MAST3: variants seen among roughly 807,000 people sequenced by gnomAD.
MAST3 encodes microtubule-associated serine/threonine-protein kinase 3.
Under a neutral mutation model 127.0 loss-of-function variants are expected in MAST3, and 43 were observed. That is an observed-to-expected ratio of 0.34 (90% confidence interval 0.27 to 0.44). MAST3 has a LOEUF of 0.44. Ranked by LOEUF, MAST3 falls within the 20% of genes least tolerant of loss-of-function variation. The pLI, the probability that MAST3 is intolerant of heterozygous loss-of-function variation, is 1.00. For missense variants in MAST3, 1,390 were observed against 1,919.1 expected (o/e 0.72, Z 5.15); for synonymous variants, 785 against 809.2 (o/e 0.97, Z 0.51).
intron 11 of MAST3, 46 bp from the exon 12 acceptor site, chr19:18,128,354 G>A (rs1258406877): frequency 6.7e-7 from 1 of 1,482,250 alleles, no homozygotes; most frequent in Admixed American, 2.0e-5. Flanking sequence ...GGTGATGCAG[G>A]GTGAGGCAGG....
intron 19 of MAST3, among the ~76,000 whole-genome samples, chr19:18,137,880 T>C (rs552802495): frequency 2.2e-3 from 338 of 152,330 alleles, no homozygotes; most frequent in Non-Finnish European, 3.4e-3. Context: ...TTTCCTCTTC[T>C]GTAAAATGAG....
At chr19:18,120,358 G>A (rs2039818610) in intron 3 of MAST3, among the ~76,000 whole-genome samples, 1 of 152,176 alleles carries the variant, frequency 6.6e-6, no homozygotes, top group African/African-American at 2.4e-5. Context: ...TGGTTCACCT[G>A]ATTTGCTGGT....
chr19:18,147,757 T>C, intron 27 of MAST3, 133 bp downstream of exon 27: 1 of 693,122 alleles, frequency 1.4e-6, no homozygotes, highest in Non-Finnish European at 2.4e-6. Flanking sequence ...TCCTGGTGTC[T>C]AGCAGGGAAC....
intron 1 of MAST3, among the ~76,000 whole-genome samples, chr19:18,103,677 C>T (rs1385741176): frequency 6.6e-6 from 1 of 152,190 alleles, no homozygotes; most frequent in Non-Finnish European, 1.5e-5. Context: ...TCTGAGCTTG[C>T]TACTCATTGA....
At chr19:18,101,858 T>C (rs1243994227) in intron 1 of MAST3, among the ~76,000 whole-genome samples, 3 of 150,282 alleles carry the variant, frequency 2.0e-5, no homozygotes, top group Non-Finnish European at 4.4e-5. Context: ...TGTTTCACCA[T>C]GTTGGCCAGA....
In MAST3 at chr19:18,128,401, G is replaced by T. The variant is rs1216721420; in HGVS notation, c.1080G>T (p.Glu360Asp). ...TGAGCCTCCTCCCTCATCTTGCAGA[G>T]ATGGTGCCACTGAGTCACCTCGAAG... ...QLGLAKDPLE[E>D]MVPLSHLEEE... Residue 360 changes from glutamate to aspartate, a missense_variant and splice_region_variant, in exon 12 of 28, where the codon GAG (glutamate) becomes GAT (aspartate). Glu to Asp is a conservative substitution (Grantham distance 45, BLOSUM62 2). This residue lies in a region of MAST3 where 277 missense variants were observed against 384.8 expected (regional missense o/e 0.72). Coordinates refer to ENST00000687212, the MANE Select transcript of MAST3 (RefSeq NM_001393504.1). 3.2e-6 allele frequency: 5 copies of T among 1,550,590 alleles called. No homozygotes were observed. The highest frequency in any genetic ancestry group is 4.4e-6 in the Non-Finnish European group (5 of 1,148,230).
At position 18,149,512 on chromosome 19, in the gene MAST3, G is replaced by T. The variant is rs1033338534; in HGVS notation, c.3830G>T (p.Arg1277Leu). 1 of 1,549,088 alleles carries T rather than the reference G, an allele frequency of 6.5e-7. No homozygotes were observed. Among genetic ancestry groups the T allele is most frequent in the East Asian group, 2.4e-5 (1 of 40,928 alleles). Reference sequence around the variant, plus strand: ...GAGCGGCTGGATGGGGAGGCGGGGCGGCGCACTCGTGGGCCAGAGGCCGAG... The same window carrying T: ...GAGCGGCTGGATGGGGAGGCGGGGCTGCGCACTCGTGGGCCAGAGGCCGAG... The part of the protein sequence containing the change: ...TGERLDGEAG[R>L]RTRGPEAELV... The change falls in exon 28 of 28, where the codon CGG becomes CTG. Residue 1277 changes from arginine to leucine, a missense_variant. Around this residue, in one of 5 missense-constraint regions of MAST3, gnomAD observed 816 missense variants for 934.1 expected, o/e 0.87. Transcript: ENST00000687212. This position sits in a 1 kb window ranked among gnomAD's most constrained non-coding sequence, Gnocchi z 5.9.
intron 11 of MAST3, among the ~76,000 whole-genome samples, chr19:18,125,748 AAAAC>A (rs1293591347): frequency 2.0e-5 from 3 of 150,152 alleles, no homozygotes; most frequent in Non-Finnish European, 4.4e-5. Context: ...CTCAAAAAAA[AAAAC>A]AAACAACTCC....
intron 13 of MAST3, among the ~76,000 whole-genome samples, chr19:18,130,012 GC>G (rs1231486866): frequency 6.6e-6 from 1 of 151,986 alleles, no homozygotes; most frequent in African/African-American, 2.4e-5. Context: ...CACTTTGGGA[GC>G]CCGAAGTGGG....
At position 18,146,996 on chromosome 19, in the gene MAST3, G is replaced by A. The variant is rs760730073; in HGVS notation, c.3278G>A (p.Arg1093His). Residue 1093 changes from arginine to histidine, a missense_variant, in exon 26 of 28, where the codon CGT (arginine) becomes CAT (histidine). Physicochemically the swap from Arg to His is conservative, Grantham distance 29. Transcript: ENST00000687212. ...ATGGCACGCAGGAGCAAGAGGAGCCGTCGGCGGGAGACCCAGGATCGGTGC... is the reference window on the plus strand; with the variant it reads ...ATGGCACGCAGGAGCAAGAGGAGCCATCGGCGGGAGACCCAGGATCGGTGC... ...GRMARRSKRS[R>H]RRETQDRCAA... is the part of the protein sequence containing the mutation. The A allele has an allele frequency of 3.1e-5, 49 of 1,571,322 alleles. No individual in the cohort carries two copies. The highest frequency in any genetic ancestry group is 1.9e-5 in the Admixed American group (1 of 53,522).
chr19:18,147,426 C>T lies in MAST3; in HGVS notation c.3327-17C>T, dbSNP rs747292251. On this transcript the variant is annotated splice_polypyrimidine_tract_variant and intron_variant, in intron 26 of 27. Transcript: ENST00000687212. ...CCAGGAGCAGGGGTTCTGAAGCCTC[C>T]GGTTTTCTTACCCCAGGCGGAAGTC... 29 of 1,612,094 alleles carry T rather than the reference C, an allele frequency of 1.8e-5. 2 individuals are homozygous for T. The Admixed American group carries it at 1.8e-4, about 10-fold the overall frequency.
chr19:18,123,331 G>A lies in MAST3; in HGVS notation c.514G>A (p.Gly172Ser), dbSNP rs1412456634. ...CTCAGAGAATGTGCTTGATGAGGAA[G>A]GCGGCCGGTCACCCCGCCTCCGACC... The part of the protein sequence containing the change: ...RSSENVLDEE[G>S]GRSPRLRPRS... Residue 172 changes from glycine to serine, a missense_variant, in exon 7 of 28, where the codon GGC (glycine) becomes AGC (serine). Coordinates refer to ENST00000687212, the MANE Select transcript of MAST3 (RefSeq NM_001393504.1). 3 of 1,613,278 alleles carry A rather than the reference G, an allele frequency of 1.9e-6. No homozygotes were observed. In the African/African-American group the frequency reaches 4.0e-5, roughly 22 times the overall value.
At chr19:18,128,504 A>G (rs2040912112) in intron 12 of MAST3, 46 bp downstream of exon 12, 10 of 1,524,704 alleles carry the variant, frequency 6.6e-6, no homozygotes, top group Admixed American at 2.0e-5. Context: ...TGTTCTTTCC[A>G]GAGTGGACCA....
intron 5 of MAST3, chr19:18,122,192 C>A: frequency 1.3e-5 from 12 of 912,434 alleles, no homozygotes; most frequent in Non-Finnish European, 1.6e-5. Context: ...ATCATTAACT[C>A]ACTAAAGAAA....
At chr19:18,101,356 C>CCTCCTT (rs1183063174) in intron 1 of MAST3, among the ~76,000 whole-genome samples, 1 of 94,382 alleles carries the variant, frequency 1.1e-5, no homozygotes, top group East Asian at 2.8e-4. Flanking sequence ...TCCTCCTCCT[C>CCTCCTT]CTCCTTCTCC....
At chr19:18,100,106 A>G (rs2037437115) in intron 1 of MAST3, among the ~76,000 whole-genome samples, 1 of 144,780 alleles carries the variant, frequency 6.9e-6, no homozygotes, top group African/African-American at 2.5e-5. Context: ...AGGCTGAGGC[A>G]GAAGGATCTC....
chr19:18,112,633 C>A lies in MAST3; in HGVS notation c.161+1892C>A, dbSNP rs2038768114. Among the ~76,000 whole-genome samples, 1 of 152,254 alleles carries A rather than the reference C, an allele frequency of 6.6e-6. No individual in the cohort carries two copies. The highest frequency in any genetic ancestry group is 3.4e-3 in the Middle Eastern group (1 of 294). On this transcript the variant is annotated intron_variant, in intron 3 of 27. Transcript: ENST00000687212. The surrounding 1 kb of genome is among the most constrained non-coding windows in gnomAD (Gnocchi z 4.1). Reference sequence around the variant, plus strand: ...TACAGGCATGAACCACCAAGCCTGGCCTAATGTTTGTATTTTTAGTAGAGG... The same window carrying A: ...TACAGGCATGAACCACCAAGCCTGGACTAATGTTTGTATTTTTAGTAGAGG...
At chr19:18,140,919 G>A (rs1018439954) in intron 20 of MAST3, among the ~76,000 whole-genome samples, 4 of 151,010 alleles carry the variant, frequency 2.6e-5, no homozygotes, top group Non-Finnish European at 4.4e-5. Flanking sequence ...TCAGCCTCCC[G>A]AGTAGCTGGG....
intron 3 of MAST3, among the ~76,000 whole-genome samples, chr19:18,114,568 C>T (rs907542827): frequency 6.6e-5 from 10 of 152,180 alleles, no homozygotes; most frequent in Admixed American, 1.3e-4. Context: ...ACAGCCTCTC[C>T]GAGACCAGAC....
Sources: gnomAD v4.1 joint callset for allele counts (sites outside exome capture counted in the v4.1 genomes callset) on GRCh38, gnomAD v4.1.1 for gene constraint, gnomAD v4.1.1 regional missense constraint, Gnocchi (gnomAD v3.1) non-coding constraint, MANE v1.5 for transcripts, NCBI Gene and HGNC (gene_info 2026-07-23, HGNC 2026-07-21) for gene names.